Variants in RASA3 observed in about 807,000 individuals in gnomAD.
RASA3 encodes the protein ras GTPase-activating protein 3.
RASA3 carries 73 observed loss-of-function variants against 110.0 expected under a neutral mutation model. The ratio of observed to expected loss-of-function variants is 0.66; its 90% CI spans 0.55 to 0.81. The LOEUF (loss-of-function observed/expected upper bound fraction) is 0.81, where lower values mean the gene tolerates loss of function less well. Among genes scored for constraint, RASA3 ranks in the 30% least tolerant of loss-of-function variants. The probability of loss-of-function intolerance (pLI) is 0.00; values close to 1 mark genes in which losing one functional copy is unlikely to be tolerated. For synonymous variants in RASA3, 500 were observed against 451.4 expected, an observed-to-expected ratio of 1.11 and a Z score of -1.37; for missense variants, 976 against 1,113.2, an observed-to-expected ratio of 0.88 and a Z score of 1.75.
At chr13:114,001,991 C>T (rs761061523) in intron 18 of RASA3, among the ~76,000 whole-genome samples, 5 of 152,402 alleles carry the variant, frequency 3.3e-5, no homozygotes, top group Non-Finnish European at 5.9e-5. Flanking sequence ...GACCTCAAGC[C>T]TTGCCCTGGG....
chr13:114,066,169 C>T lies in RASA3; in HGVS notation c.173+7551G>A, dbSNP rs111505768. Reference sequence around the variant, plus strand: ...GCTCTTTCCTCTCTCCCACCCCATACCCCCCAAAAAAGAACCACCATCCTT... The same window carrying T: ...GCTCTTTCCTCTCTCCCACCCCATATCCCCCAAAAAAGAACCACCATCCTT... On this transcript the variant is annotated intron_variant, in intron 2 of 23. Coordinates refer to ENST00000334062, the MANE Select transcript of RASA3 (RefSeq NM_007368.4). 4.3e-5 allele frequency among the ~76,000 whole-genome samples: 6 copies of T among 140,028 alleles called. 1 individual carries two copies. The highest frequency in any genetic ancestry group is 1.8e-4 in the African/African-American group (6 of 33,118). 91.9% of individuals were successfully genotyped at this position (140,028 alleles called of 152,430 possible).
At chr13:113,998,737 G>A (rs1222923426) in intron 20 of RASA3, among the ~76,000 whole-genome samples, 3 of 152,242 alleles carry the variant, frequency 2.0e-5, no homozygotes, top group African/African-American at 7.2e-5. Flanking sequence ...AGGGAGGGAT[G>A]TCCAGAAAAC....
At position 114,023,707 on chromosome 13, in the gene RASA3, G is replaced by A. The variant is rs572739622; in HGVS notation, c.680+572C>T. On this transcript the variant is annotated intron_variant, in intron 8 of 23. Coordinates refer to ENST00000334062, the MANE Select transcript of RASA3 (RefSeq NM_007368.4). ...CCCACAAGCGATTTCCCCGTTTCCC[G>A]TGGGAGGCGTTGAGGAGCCAGGAAA... 5.3e-5 allele frequency among the ~76,000 whole-genome samples: 8 copies of A among 152,358 alleles called. No individual in the cohort carries two copies. The South Asian group carries it at 6.2e-4, about 12-fold the overall frequency.
intron 7 of RASA3, among the ~76,000 whole-genome samples, chr13:114,026,857 T>G (rs1213695399): frequency 3.9e-5 from 6 of 152,226 alleles, no homozygotes; most frequent in Non-Finnish European, 8.8e-5. Flanking sequence ...CGGGGTCACA[T>G]TCCACCAGGT....
rs1475134913 is a variant in RASA3 at position 114,011,307 on chromosome 13, C to T, written c.1513-59G>A. The T allele has an allele frequency of 6.9e-7, 1 of 1,455,916 alleles. No individual in the cohort carries two copies. Among genetic ancestry groups the T allele is most frequent in the African/African-American group, 1.4e-5 (1 of 71,682 alleles). 90.2% of individuals were successfully genotyped at this position (1,455,916 alleles called of 1,614,324 possible). ...GCATCACAGAAATGCTGTGACTGTC[C>T]CAGATCGAGGGGACGAAATGCAGGA... On this transcript the variant is annotated intron_variant, in intron 15 of 23. Transcript: ENST00000334062. The surrounding 1 kb of genome is among the most constrained non-coding windows in gnomAD (Gnocchi z 4.8).
intron 18 of RASA3, among the ~76,000 whole-genome samples, chr13:114,002,882 C>T (rs1470815099): frequency 1.3e-5 from 2 of 152,220 alleles, no homozygotes; most frequent in South Asian, 2.1e-4. Flanking sequence ...CGCGCAGCCA[C>T]GGCCAACTCA....
At chr13:114,009,365 C>A (rs372605066) in intron 17 of RASA3, 22 bp downstream of exon 17, 4 of 1,591,342 alleles carry the variant, frequency 2.5e-6, no homozygotes, top group East Asian at 2.2e-5. Flanking sequence ...CACGGGCGGT[C>A]GGAGGGTGAG....
intron 3 of RASA3, among the ~76,000 whole-genome samples, chr13:114,049,384 A>C (rs1331683417): frequency 6.6e-6 from 1 of 152,198 alleles, no homozygotes; most frequent in Non-Finnish European, 1.5e-5. Flanking sequence ...AAGTCCAGTC[A>C]CCATAATCGT....
Position 114,041,060 on chromosome 13 carries a change from C to T in RASA3, c.312G>A (p.Lys104=), listed in dbSNP as rs753605899. ...KVAIQKEDLQ[K]YHNRDTWFQL... is the part of the protein sequence containing the mutation. ...GGAACCAGGTGTCCCTGTTGTGGTA[C>T]TTCTGCAAGTCCTCCTTCTGGATGG... Residue 104 remains lysine, a synonymous_variant, in exon 4 of 24, where the codon AAG becomes AAA. Transcript: ENST00000334062. The T allele has an allele frequency of 4.3e-6, 7 of 1,613,730 alleles. No homozygotes were observed. In the Middle Eastern group the frequency reaches 4.9e-4, roughly 114 times the overall value.
intron 9 of RASA3, 84 bp from the exon 10 acceptor site, chr13:114,019,003 G>A (rs1413845172): frequency 5.2e-6 from 8 of 1,537,794 alleles, no homozygotes; most frequent in African/African-American, 1.4e-5. Context: ...CTGCCTGCTT[G>A]AGGTCGACTG....
At chr13:114,072,569 C>T (rs1029705728) in intron 2 of RASA3, among the ~76,000 whole-genome samples, 2 of 152,310 alleles carry the variant, frequency 1.3e-5, no homozygotes, top group East Asian at 1.9e-4. Flanking sequence ...TTGTGGAGTG[C>T]GAGCTTCCCG....
At chr13:114,098,369 G>A (rs564235895) in intron 1 of RASA3, among the ~76,000 whole-genome samples, 3 of 152,152 alleles carry the variant, frequency 2.0e-5, no homozygotes, top group Non-Finnish European at 2.9e-5. Flanking sequence ...CAGGGTCTGC[G>A]TGCCCAGCCA....
At chr13:114,032,085 A>G (rs2054180308) in intron 4 of RASA3, among the ~76,000 whole-genome samples, 1 of 152,220 alleles carries the variant, frequency 6.6e-6, no homozygotes, top group African/African-American at 2.4e-5. Context: ...ATTAGTCAGG[A>G]GATATTTATT....
intron 2 of RASA3, among the ~76,000 whole-genome samples, chr13:114,070,409 G>A (rs969935145): frequency 2.0e-5 from 3 of 152,108 alleles, no homozygotes; most frequent in Non-Finnish European, 2.9e-5. Flanking sequence ...CATGTGCACC[G>A]ATGGAGGGCT....
chr13:114,003,175 G>A lies in RASA3; in HGVS notation c.1743-2243C>T, dbSNP rs147492889. On this transcript the variant is annotated intron_variant, in intron 18 of 23. Coordinates refer to ENST00000334062, the MANE Select transcript of RASA3 (RefSeq NM_007368.4). ...GGGGATGTGACAGAGCTGAGGTGCC[G>A]GAGGAGAAGCTGATCCAGGGGCTGG... is the stretch of plus-strand genomic sequence containing the variant. Among the ~76,000 whole-genome samples the A allele has an allele frequency of 2.1e-4, 32 of 152,324 alleles. No homozygotes were observed. The Middle Eastern group carries it at 0.01, about 49-fold the overall frequency.
At chr13:114,062,497 G>A (rs1038706297) in intron 2 of RASA3, among the ~76,000 whole-genome samples, 5 of 152,100 alleles carry the variant, frequency 3.3e-5, no homozygotes, top group African/African-American at 4.8e-5. Flanking sequence ...ACACACAGTC[G>A]CCACGGGACA....
intron 22 of RASA3, among the ~76,000 whole-genome samples, chr13:113,990,523 C>T (rs781713750): frequency 1.3e-5 from 2 of 152,212 alleles, no homozygotes; most frequent in Non-Finnish European, 2.9e-5. Flanking sequence ...TCTGCTGTGT[C>T]GGTTCCTGCT....
At chr13:114,045,628 TA>T (rs1441885195) in intron 3 of RASA3, among the ~76,000 whole-genome samples, 1 of 152,018 alleles carries the variant, frequency 6.6e-6, no homozygotes, top group East Asian at 1.9e-4. Flanking sequence ...TCATAGAATG[TA>T]CAAAAAAAAA....
At chr13:114,047,972 A>G (rs1206523705) in intron 3 of RASA3, among the ~76,000 whole-genome samples, 1 of 152,244 alleles carries the variant, frequency 6.6e-6, no homozygotes, top group East Asian at 1.9e-4. Context: ...TACACCTAAC[A>G]GTGAACTTTA....
Sources: gnomAD v4.1 joint callset for allele counts (sites outside exome capture counted in the v4.1 genomes callset) on GRCh38, gnomAD v4.1.1 for gene constraint, Gnocchi (gnomAD v3.1) non-coding constraint, MANE v1.5 for transcripts, NCBI Gene and HGNC (gene_info 2026-07-23, HGNC 2026-07-21) for gene names.